Variants in PCDH9 observed in about 807,000 individuals in gnomAD.
PCDH9 encodes the protein protocadherin 9.
Under a neutral mutation model 70.6 loss-of-function variants are expected in PCDH9, and 24 were observed. That is an observed-to-expected ratio of 0.34 (90% CI 0.25 to 0.48). The LOEUF (loss-of-function observed/expected upper bound fraction) is 0.48. Among genes scored for constraint, PCDH9 ranks in the 20% least tolerant of loss-of-function variants. The probability of loss-of-function intolerance (pLI) is 0.99; values close to 1 mark genes in which losing one functional copy is unlikely to be tolerated. For synonymous variants in PCDH9, 562 were observed against 558.5 expected (o/e 1.01, Z -0.09); for missense variants, 1,281 against 1,503.6 (o/e 0.85, Z 2.45).
At chr13:67,078,266 G>A (rs1001189685) in intron 2 of PCDH9, among the ~76,000 whole-genome samples, 12 of 152,254 alleles carry the variant, frequency 7.9e-5, no homozygotes, top group African/African-American at 2.6e-4. Flanking sequence ...TGCGCCATCA[G>A]CTGGTCAAAT....
intron 2 of PCDH9, among the ~76,000 whole-genome samples, chr13:66,938,281 GTT>G (rs553167282): frequency 5.3e-5 from 8 of 152,114 alleles, no homozygotes; most frequent in Non-Finnish European, 1.2e-4. Context: ...TAGTTACATA[GTT>G]GAATTTAATA....
chr13:66,415,205 C>G (rs1209461215), intron 4 of PCDH9, among the ~76,000 whole-genome samples: 1 of 152,142 alleles, frequency 6.6e-6, no homozygotes, highest in Non-Finnish European at 1.5e-5. Flanking sequence ...TCAGTTACCT[C>G]CAATATTTTC....
At chr13:66,797,253 A>T (rs1566200458) in intron 3 of PCDH9, among the ~76,000 whole-genome samples, 2 of 152,104 alleles carry the variant, frequency 1.3e-5, no homozygotes, top group Non-Finnish European at 2.9e-5. Context: ...TATTCAACCT[A>T]CCCATATATA....
rs569387956 is a variant in PCDH9 at position 66,607,596 on chromosome 13, T to C, written c.3340+23614A>G. 1.1e-3 allele frequency among the ~76,000 whole-genome samples: 164 copies of C among 152,218 alleles called. 1 individual carries two copies. The highest frequency in any genetic ancestry group is 3.8e-3 in the African/African-American group (156 of 41,572). On this transcript the variant is annotated intron_variant, in intron 4 of 4. Transcript: ENST00000377865. ...TCTGTAATTAGTTATGTTACATAAA[T>C]ATATTTGATTAACATCTTATACACC...
chr13:66,623,098 C>T lies in PCDH9; in HGVS notation c.3340+8112G>A, dbSNP rs147800954. On this transcript the variant is annotated intron_variant, in intron 4 of 4. Coordinates refer to ENST00000377865, the MANE Select transcript of PCDH9 (RefSeq NM_203487.3). Reference sequence around the variant, plus strand: ...ACATCCGAACATCAGAAAGAACAAACTCCAGACACGCCGCCTTTAAGAACT... The same window carrying T: ...ACATCCGAACATCAGAAAGAACAAATTCCAGACACGCCGCCTTTAAGAACT... Among the ~76,000 whole-genome samples the T allele has an allele frequency of 4.2e-3, 634 of 152,328 alleles. 19 individuals are homozygous for T. The East Asian group carries it at 0.08, about 19-fold the overall frequency.
intron 2 of PCDH9, among the ~76,000 whole-genome samples, chr13:67,085,481 A>C (rs1404265159): frequency 6.6e-6 from 1 of 152,202 alleles, no homozygotes; most frequent in Non-Finnish European, 1.5e-5. Flanking sequence ...TTATAAAATG[A>C]ATTCATTTTC....
At chr13:66,434,187 CCA>C (rs943339554) in intron 4 of PCDH9, among the ~76,000 whole-genome samples, 6 of 151,794 alleles carry the variant, frequency 4.0e-5, no homozygotes, top group Non-Finnish European at 5.9e-5. Flanking sequence ...TCATATTTGA[CCA>C]CAGTTTATCC....
chr13:66,731,249 A>G (rs7322791), intron 3 of PCDH9, among the ~76,000 whole-genome samples: 149,244 of 152,160 alleles, frequency 0.98, 73,242 homozygotes, highest in East Asian at 1. Flanking sequence ...AAAATAACTC[A>G]CTAAGGAAGC....
At chr13:66,979,351 C>A (rs896585990) in intron 2 of PCDH9, among the ~76,000 whole-genome samples, 1 of 152,130 alleles carries the variant, frequency 6.6e-6, no homozygotes, top group African/African-American at 2.4e-5. Context: ...ACATTTGAAA[C>A]TCCTTCATAT....
intron 4 of PCDH9, among the ~76,000 whole-genome samples, chr13:66,395,131 C>T (rs1348037114): frequency 6.6e-6 from 1 of 152,024 alleles, no homozygotes; most frequent in Non-Finnish European, 1.5e-5. Flanking sequence ...ACTCTAATGC[C>T]AATGAAATGC....
At chr13:66,800,671 C>T (rs1449638411) in intron 3 of PCDH9, among the ~76,000 whole-genome samples, 1 of 152,144 alleles carries the variant, frequency 6.6e-6, no homozygotes, top group African/African-American at 2.4e-5. Flanking sequence ...CAAGATGTCT[C>T]ACTTGCATAC....
intron 4 of PCDH9, among the ~76,000 whole-genome samples, chr13:66,524,156 G>A (rs768223509): frequency 6.6e-6 from 1 of 151,942 alleles, no homozygotes; most frequent in Non-Finnish European, 1.5e-5. Context: ...CAAACAATTT[G>A]CAAGAATTAT....
At chr13:67,067,145 T>A (rs553481325) in intron 2 of PCDH9, among the ~76,000 whole-genome samples, 1 of 152,258 alleles carries the variant, frequency 6.6e-6, no homozygotes, top group African/African-American at 2.4e-5. Context: ...TTTCTAGCCA[T>A]CCTACTACAT....
intron 4 of PCDH9, among the ~76,000 whole-genome samples, chr13:66,570,564 C>A (rs2076719938): frequency 6.6e-6 from 1 of 152,048 alleles, no homozygotes; most frequent in South Asian, 2.1e-4. Context: ...GTCCTCTCTG[C>A]CTTATTTCTT....
intron 3 of PCDH9, among the ~76,000 whole-genome samples, chr13:66,845,762 T>C (rs1342659153): frequency 1.3e-5 from 2 of 152,210 alleles, no homozygotes; most frequent in Admixed American, 1.3e-4. Context: ...ACTTTTGCCA[T>C]AGGTTGTGGA....
At chr13:66,587,222 C>A (rs985157229) in intron 4 of PCDH9, among the ~76,000 whole-genome samples, 2 of 151,934 alleles carry the variant, frequency 1.3e-5, no homozygotes, top group Admixed American at 1.3e-4. Flanking sequence ...CCCTTGAGCC[C>A]ACAGGGTTGA....
chr13:66,733,626 G>T (rs2079105021), intron 3 of PCDH9, among the ~76,000 whole-genome samples: 1 of 150,484 alleles, frequency 6.6e-6, no homozygotes, highest in African/African-American at 2.4e-5. Context: ...TTGGTAAAAT[G>T]GTTTTAAGAT....
intron 3 of PCDH9, among the ~76,000 whole-genome samples, chr13:66,700,498 T>C (rs1475046341): frequency 6.6e-6 from 1 of 152,156 alleles, no homozygotes; most frequent in East Asian, 1.9e-4. Context: ...TCTGAGCCTA[T>C]TACAACTTCT....
At chr13:66,445,853 T>C (rs1958078989) in intron 4 of PCDH9, among the ~76,000 whole-genome samples, 1 of 148,984 alleles carries the variant, frequency 6.7e-6, no homozygotes. Context: ...CATACACATA[T>C]ATAAAGAAAA....
Sources: gnomAD v4.1 joint callset for allele counts (sites outside exome capture counted in the v4.1 genomes callset) on GRCh38, gnomAD v4.1.1 for gene constraint, MANE v1.5 for transcripts, NCBI Gene and HGNC (gene_info 2026-07-23, HGNC 2026-07-21) for gene names.